Variants in PALMD observed in about 807,000 individuals in gnomAD.
PALMD encodes the protein palmdelphin.
Under a neutral mutation model 56.2 loss-of-function variants are expected in PALMD, and 42 were observed. The ratio of observed to expected loss-of-function variants is 0.75; its 90% CI spans 0.58 to 0.97. The LOEUF (loss-of-function observed/expected upper bound fraction) is 0.97. Ranked by LOEUF, PALMD falls within the 50% of genes least tolerant of loss-of-function variation. The pLI, the probability that PALMD is intolerant of heterozygous loss-of-function variation, is 0.00. For synonymous variants in PALMD, 242 were observed against 222.9 expected, an observed-to-expected ratio of 1.09 and a Z score of -0.76; for missense variants, 660 against 643.8, an observed-to-expected ratio of 1.03 and a Z score of -0.27.
rs143640597 is a variant in PALMD at position 99,664,158 on chromosome 1, G to T, written c.126+1759G>T. 4.0e-3 allele frequency among the ~76,000 whole-genome samples: 605 copies of T among 152,274 alleles called. 2 individuals carry two copies. Among genetic ancestry groups the T allele is most frequent in the Admixed American group, 6.4e-3 (98 of 15,276 alleles). ...CCCAAGCTGTTCACTGGAAAAAAGG[G>T]GTGTGTGTGGCATGGAGCAGGGCTA... On this transcript the variant is annotated intron_variant, in intron 2 of 7. Coordinates refer to ENST00000263174, the MANE Select transcript of PALMD (RefSeq NM_017734.5).
intron 3 of PALMD, among the ~76,000 whole-genome samples, chr1:99,679,708 A>G (rs1367198156): frequency 6.6e-6 from 1 of 152,182 alleles, no homozygotes; most frequent in Non-Finnish European, 1.5e-5. Flanking sequence ...CTAAGCTCCT[A>G]AGAATCAATT....
chr1:99,686,642 T>C (rs1407294745), intron 3 of PALMD, 34 bp from the exon 4 acceptor site: 1 of 1,100,404 alleles, frequency 9.1e-7, no homozygotes, highest in East Asian at 2.4e-5. Context: ...TTGTACTGTG[T>C]TAAGCAATAA....
At chr1:99,651,352 T>C (rs1487807801) in intron 1 of PALMD, among the ~76,000 whole-genome samples, 1 of 152,218 alleles carries the variant, frequency 6.6e-6, no homozygotes, top group African/African-American at 2.4e-5. Flanking sequence ...TTTTCCACTG[T>C]GCAACAAAAT....
At chr1:99,685,657 T>C (rs1459445719) in intron 3 of PALMD, 4 of 152,136 alleles carry the variant, frequency 2.6e-5, no homozygotes, top group African/African-American at 7.2e-5. Flanking sequence ...ATGACCATCT[T>C]CAAGAAGGAA....
At chr1:99,657,966 T>C (rs181640611) in intron 1 of PALMD, among the ~76,000 whole-genome samples, 79 of 152,312 alleles carry the variant, frequency 5.2e-4, no homozygotes, top group African/African-American at 1.9e-3. Flanking sequence ...GCATCATACA[T>C]TACTAATGCC....
At chr1:99,665,980 A>G (rs1376833779) in intron 2 of PALMD, among the ~76,000 whole-genome samples, 3 of 152,206 alleles carry the variant, frequency 2.0e-5, no homozygotes, top group African/African-American at 7.2e-5. Context: ...TGGCCACAGA[A>G]TGGAGTAATA....
intron 3 of PALMD, among the ~76,000 whole-genome samples, chr1:99,682,948 G>A (rs146713872): frequency 0.013 from 1,959 of 151,160 alleles, 27 homozygotes; most frequent in Non-Finnish European, 0.02. Flanking sequence ...AGAGGTTACA[G>A]TGAGCCGAGA....
At chr1:99,667,878 A>AT in intron 3 of PALMD, 112 bp downstream of exon 3, 14 of 1,039,420 alleles carry the variant, frequency 1.3e-5, no homozygotes, top group Admixed American at 7.0e-5. Context: ...TTCCATTTGA[A>AT]TTTCTTTTTT....
At chr1:99,681,600 A>G (rs1225063984) in intron 3 of PALMD, among the ~76,000 whole-genome samples, 2 of 152,224 alleles carry the variant, frequency 1.3e-5, no homozygotes, top group Non-Finnish European at 2.9e-5. Flanking sequence ...TAAAGTACCT[A>G]TCAAGAACTT....
intron 3 of PALMD, among the ~76,000 whole-genome samples, chr1:99,676,503 T>C (rs1181101882): frequency 6.6e-6 from 1 of 152,168 alleles, no homozygotes; most frequent in African/African-American, 2.4e-5. Flanking sequence ...ATATATTCAT[T>C]GTATCCATTA....
chr1:99,661,822 T>C (rs1376102049), intron 1 of PALMD, among the ~76,000 whole-genome samples: 3 of 152,206 alleles, frequency 2.0e-5, no homozygotes, highest in Admixed American at 1.3e-4. Flanking sequence ...TATCTTCCCA[T>C]AGCAGGCTAT....
rs1378635483 is a variant in PALMD, at chr1:99,646,310, C to T, written c.-8C>T. 3 of 1,612,614 alleles carry T rather than the reference C, an allele frequency of 1.9e-6. No homozygotes were observed. In the African/African-American group the frequency reaches 4.0e-5, roughly 22 times the overall value. On this transcript the variant is annotated 5_prime_UTR_variant, in exon 1 of 8. Transcript: ENST00000263174. ...TGCTTCCCCGTCTGACTGTCCTTGA[C>T]TTCTAGAATGGAAGAAGCTGAGCTG...
chr1:99,648,252 C>A (rs1354532830), intron 1 of PALMD, among the ~76,000 whole-genome samples: 2 of 152,134 alleles, frequency 1.3e-5, no homozygotes, highest in East Asian at 3.9e-4. Flanking sequence ...TACACCTCAC[C>A]AGGCTAAATC....
intron 2 of PALMD, among the ~76,000 whole-genome samples, chr1:99,663,008 T>C (rs1465712463): frequency 6.6e-6 from 1 of 152,184 alleles, no homozygotes; most frequent in Non-Finnish European, 1.5e-5. Context: ...ATTTTATTAC[T>C]TAGCTTAGTG....
chr1:99,664,209 C>T (rs1652913595), intron 2 of PALMD, among the ~76,000 whole-genome samples: 1 of 152,068 alleles, frequency 6.6e-6, no homozygotes, highest in African/African-American at 2.4e-5. Context: ...GACACATTGT[C>T]CTAATTTGGG....
In PALMD at chr1:99,671,634, A is replaced by G. The variant is rs570345049; in HGVS notation, c.251+3868A>G. On this transcript the variant is annotated intron_variant, in intron 3 of 7. Coordinates refer to ENST00000263174, the MANE Select transcript of PALMD (RefSeq NM_017734.5). ...TTCTTGGAGTAAACTGAGAATACCA[A>G]CCAATGAGGATTCTTTCCATTTGGA... is the stretch of plus-strand genomic sequence containing the variant. Among the ~76,000 whole-genome samples the G allele has an allele frequency of 2.2e-4, 34 of 152,294 alleles. No homozygotes were observed. In the South Asian group the frequency reaches 7.0e-3, roughly 32 times the overall value.
At chr1:99,656,894 A>G (rs1194693660) in intron 1 of PALMD, among the ~76,000 whole-genome samples, 1 of 152,246 alleles carries the variant, frequency 6.6e-6, no homozygotes, top group Admixed American at 6.5e-5. Flanking sequence ...AACTTGCAAT[A>G]TCATGACTCA....
At chr1:99,675,907 A>T (rs533936555) in intron 3 of PALMD, among the ~76,000 whole-genome samples, 10 of 152,306 alleles carry the variant, frequency 6.6e-5, no homozygotes, top group African/African-American at 2.4e-4. Context: ...CCCATAAGAT[A>T]ATTATTAATA....
intron 3 of PALMD, among the ~76,000 whole-genome samples, chr1:99,671,212 A>G (rs1056461364): frequency 2.0e-5 from 3 of 152,352 alleles, no homozygotes; most frequent in Admixed American, 2.0e-4. Context: ...ACATCAAAGT[A>G]GAAATATTGC....
Sources: gnomAD v4.1 joint callset for allele counts (sites outside exome capture counted in the v4.1 genomes callset) on GRCh38, gnomAD v4.1.1 for gene constraint, MANE v1.5 for transcripts, NCBI Gene and HGNC (gene_info 2026-07-23, HGNC 2026-07-21) for gene names.